The following RBFOX1 variants were observed in gnomAD, a reference collection of about 807,000 sequenced individuals.
RBFOX1 encodes the protein RNA binding fox-1 homolog 1, also known as RNA binding protein fox-1 homolog 1.
A neutral mutation model predicts 57.7 loss-of-function variants in RBFOX1; 8 were observed. The observed-to-expected ratio is 0.14, with a 90% CI of 0.08 to 0.25. The LOEUF (loss-of-function observed/expected upper bound fraction) is 0.25, where lower values mean the gene tolerates loss of function less well. Among genes scored for constraint, RBFOX1 ranks in the 10% least tolerant of loss-of-function variants. The probability of loss-of-function intolerance (pLI) is 1.00; values close to 1 mark genes in which losing one functional copy is unlikely to be tolerated. For synonymous variants in RBFOX1, 326 were observed against 222.4 expected, an observed-to-expected ratio of 1.47 and a Z score of -4.15; for missense variants, 611 against 548.5, an observed-to-expected ratio of 1.11 and a Z score of -1.14.
intron 2 of RBFOX1, among the ~76,000 whole-genome samples, chr16:6,568,379 C>T (rs939983737): frequency 6.6e-6 from 1 of 152,080 alleles, no homozygotes; most frequent in East Asian, 1.9e-4. Context: ...CTGGAGTGTC[C>T]TGGAGACATG....
At chr16:7,412,123 A>G (rs145522862) in intron 4 of RBFOX1, among the ~76,000 whole-genome samples, 18 of 152,186 alleles carry the variant, frequency 1.2e-4, no homozygotes, top group Non-Finnish European at 2.6e-4. Context: ...GTACCATGCT[A>G]CTGTAAGATG....
intron 1 of RBFOX1, among the ~76,000 whole-genome samples, chr16:6,316,294 A>G (rs887549230): frequency 1.3e-5 from 2 of 152,182 alleles, no homozygotes; most frequent in African/African-American, 4.8e-5. Flanking sequence ...TATAATAGCC[A>G]TTTGCAGTTT....
At chr16:6,542,286 C>T (rs1474420183) in intron 2 of RBFOX1, among the ~76,000 whole-genome samples, 1 of 151,786 alleles carries the variant, frequency 6.6e-6, no homozygotes, top group African/African-American at 2.4e-5. Flanking sequence ...AGGTCAGATA[C>T]TTATCTGTTT....
chr16:7,012,434 G>T (rs1390884427), intron 3 of RBFOX1, among the ~76,000 whole-genome samples: 3 of 152,144 alleles, frequency 2.0e-5, no homozygotes, highest in Non-Finnish European at 4.4e-5. Context: ...TCATAGGCAA[G>T]GAGCCTTCAA....
At chr16:7,162,005 A>T (rs1296701960) in intron 4 of RBFOX1, among the ~76,000 whole-genome samples, 1 of 152,196 alleles carries the variant, frequency 6.6e-6, no homozygotes, top group African/African-American at 2.4e-5. Context: ...GCCAGCTAGT[A>T]AGGTTTTCCC....
intron 3 of RBFOX1, among the ~76,000 whole-genome samples, chr16:7,032,349 G>A (rs976853969): frequency 2.0e-5 from 3 of 152,020 alleles, no homozygotes; most frequent in Non-Finnish European, 2.9e-5. Context: ...GGAGGCTGAG[G>A]CACAAGAATT....
chr16:5,658,668 C>A (rs919690804), intron 3 of RBFOX1, among the ~76,000 whole-genome samples: 11 of 151,520 alleles, frequency 7.3e-5, no homozygotes, highest in Middle Eastern at 3.2e-3. Flanking sequence ...ATCCAGGTTG[C>A]TGTGAATGCC....
intron 1 of RBFOX1, among the ~76,000 whole-genome samples, chr16:6,049,610 T>C (rs2152432773): frequency 6.6e-6 from 1 of 152,338 alleles, no homozygotes; most frequent in African/African-American, 2.4e-5. Flanking sequence ...CAATTAACAG[T>C]GATTTTATGA....
intron 14 of RBFOX1, among the ~76,000 whole-genome samples, chr16:7,685,432 G>A (rs989731723): frequency 1.8e-4 from 27 of 151,952 alleles, no homozygotes; most frequent in Admixed American, 7.9e-4. Flanking sequence ...TGCTAACATC[G>A]TGTCATTAAT....
intron 4 of RBFOX1, among the ~76,000 whole-genome samples, chr16:6,005,683 CA>C (rs1473566586): frequency 1.3e-5 from 2 of 152,170 alleles, no homozygotes; most frequent in Non-Finnish European, 2.9e-5. Flanking sequence ...TAGACATTGC[CA>C]AATGCCCCTG....
chr16:6,210,100 C>T (rs778190406), intron 1 of RBFOX1, among the ~76,000 whole-genome samples: 1 of 151,484 alleles, frequency 6.6e-6, no homozygotes, highest in African/African-American at 2.4e-5. Flanking sequence ...GGTGGATCAC[C>T]TGAGGTCAGG....
At chr16:6,035,602 G>A (rs965563987) in intron 1 of RBFOX1, among the ~76,000 whole-genome samples, 4 of 152,152 alleles carry the variant, frequency 2.6e-5, no homozygotes, top group Non-Finnish European at 4.4e-5. Context: ...GTTCAGTAAT[G>A]CTCTACATCA....
chr16:7,024,790 C>A (rs1169114125), intron 3 of RBFOX1, among the ~76,000 whole-genome samples: 1 of 152,198 alleles, frequency 6.6e-6, no homozygotes, highest in Non-Finnish European at 1.5e-5. Flanking sequence ...CCATTCCCTG[C>A]AATTCCCTCT....
chr16:7,414,289 A>G (rs1461386949), intron 4 of RBFOX1, among the ~76,000 whole-genome samples: 1 of 152,206 alleles, frequency 6.6e-6, no homozygotes, highest in Non-Finnish European at 1.5e-5. Flanking sequence ...TACACAAGGA[A>G]CTCTATGTTC....
At chr16:7,509,772 T>C (rs1042732467) in intron 4 of RBFOX1, among the ~76,000 whole-genome samples, 2 of 152,148 alleles carry the variant, frequency 1.3e-5, no homozygotes, top group African/African-American at 4.8e-5. Flanking sequence ...CCATCCTCTG[T>C]CTCTTCCCTT....
At position 5,525,103 on chromosome 16, in the gene RBFOX1, G is replaced by C. The variant is rs374743062; in HGVS notation, c.258+57849G>C. On this transcript the variant is annotated intron_variant, in intron 2 of 2. Coordinates refer to the RBFOX1 transcript ENST00000585867. ...ACTGCTCCCCTGGTGTCTAATGCAG[G>C]TCTCCTCAGTAGATGTGTTGACTGA... Among the ~76,000 whole-genome samples, 58 of 152,208 alleles carry C rather than the reference G, an allele frequency of 3.8e-4. 1 individual carries two copies. In the South Asian group the frequency reaches 1.0e-2, roughly 26 times the overall value.
At chr16:5,589,589 C>T (rs139666409) in intron 2 of RBFOX1, among the ~76,000 whole-genome samples, 69 of 152,326 alleles carry the variant, frequency 4.5e-4, no homozygotes, top group African/African-American at 8.2e-4. Flanking sequence ...CACTATTCTA[C>T]GTGTTGATGA....
intron 3 of RBFOX1, among the ~76,000 whole-genome samples, chr16:6,793,722 T>C (rs1189653190): frequency 6.6e-6 from 1 of 152,170 alleles, no homozygotes; most frequent in Non-Finnish European, 1.5e-5. Flanking sequence ...GTTGTTAGAG[T>C]ATATTAAATT....
intron 4 of RBFOX1, among the ~76,000 whole-genome samples, chr16:5,944,790 T>TAAAAAAAAAAAAAAAGAAAAAAA (rs2059360956): frequency 2.4e-5 from 1 of 41,258 alleles, no homozygotes. Context: ...CTGTCTCTGC[T>TAAAAAAAAAAAAAAAGAAAAAAA]AAAAAAAAAA....
Sources: gnomAD v4.1 joint callset for allele counts (sites outside exome capture counted in the v4.1 genomes callset) on GRCh38, gnomAD v4.1.1 for gene constraint, MANE v1.5 for transcripts, NCBI Gene and HGNC (gene_info 2026-07-23, HGNC 2026-07-21) for gene names.